Variants in PTP4A3 observed in about 807,000 individuals in gnomAD.
PTP4A3 encodes protein tyrosine phosphatase 4A3.
Under a neutral mutation model 15.2 loss-of-function variants are expected in PTP4A3, and 9 were observed. The observed-to-expected ratio is 0.59, with a 90% CI of 0.36 to 1.03. PTP4A3 has a LOEUF of 1.03. Ranked by LOEUF, PTP4A3 falls within the 50% of genes least tolerant of loss-of-function variation. The pLI is 0.02. For synonymous variants in PTP4A3, 95 were observed against 102.0 expected (o/e 0.93, Z 0.41); for missense variants, 234 against 252.1 (o/e 0.93, Z 0.49).
chr8:141,416,056 C>T (rs1833039962), intron 1 of PTP4A3, among the ~76,000 whole-genome samples: 2 of 152,028 alleles, frequency 1.3e-5, no homozygotes, highest in South Asian at 4.1e-4. Flanking sequence ...CAGGCCCGGC[C>T]AGAGGGCCCC....
chr8:141,397,331 C>G (rs548776305), intron 1 of PTP4A3, among the ~76,000 whole-genome samples: 1 of 151,982 alleles, frequency 6.6e-6, no homozygotes, highest in Non-Finnish European at 1.5e-5. Context: ...CAGTGGGGGG[C>G]TCTCTGAAGG....
At chr8:141,397,151 G>A (rs1466505919) in intron 1 of PTP4A3, among the ~76,000 whole-genome samples, 4 of 152,248 alleles carry the variant, frequency 2.6e-5, no homozygotes, top group African/African-American at 9.6e-5. Flanking sequence ...CGGAGTGAGA[G>A]CTGTGTTACA....
chr8:141,412,448 T>C (rs1039386915), intron 1 of PTP4A3, among the ~76,000 whole-genome samples: 1 of 152,164 alleles, frequency 6.6e-6, no homozygotes, highest in African/African-American at 2.4e-5. Flanking sequence ...GCTCCTGGGT[T>C]TGGGGTCAGG....
intron 3 of PTP4A3, chr8:141,426,387 C>G: frequency 1.0e-6 from 1 of 964,968 alleles, no homozygotes; most frequent in Non-Finnish European, 1.2e-6. Flanking sequence ...AGCAATGGGC[C>G]GGGGCCCGGT....
At chr8:141,410,075 C>T (rs1181811027) in intron 1 of PTP4A3, among the ~76,000 whole-genome samples, 1 of 152,250 alleles carries the variant, frequency 6.6e-6, no homozygotes, top group Non-Finnish European at 1.5e-5. Flanking sequence ...TGCCCAGCCC[C>T]TGCTGCGGAC....
intron 1 of PTP4A3, among the ~76,000 whole-genome samples, chr8:141,409,411 G>A (rs1320884603): frequency 1.3e-5 from 2 of 152,218 alleles, no homozygotes; most frequent in Non-Finnish European, 2.9e-5. Flanking sequence ...AGGGATGGGA[G>A]CCTCCATCTG....
chr8:141,419,519 A>G (rs1833224689), intron 1 of PTP4A3, among the ~76,000 whole-genome samples: 1 of 151,098 alleles, frequency 6.6e-6, no homozygotes, highest in South Asian at 2.1e-4. Flanking sequence ...GACCAGGGAC[A>G]GTATCCTTGT....
At chr8:141,414,627 G>T (rs998899339) in intron 1 of PTP4A3, among the ~76,000 whole-genome samples, 1 of 151,716 alleles carries the variant, frequency 6.6e-6, no homozygotes, top group Admixed American at 6.6e-5. Flanking sequence ...GGACTGGGGG[G>T]GGGGTAGGGA....
intron 1 of PTP4A3, among the ~76,000 whole-genome samples, chr8:141,395,366 T>C (rs1315153060): frequency 6.6e-6 from 1 of 152,124 alleles, no homozygotes; most frequent in Non-Finnish European, 1.5e-5. Context: ...GACCCCTAGG[T>C]GGGGCATCGC....
At chr8:141,413,098 T>C (rs1272030043) in intron 1 of PTP4A3, among the ~76,000 whole-genome samples, 5 of 152,190 alleles carry the variant, frequency 3.3e-5, no homozygotes, top group Non-Finnish European at 7.4e-5. Context: ...TGGAGTCAGC[T>C]GTGTCTGCTG....
chr8:141,424,572 C>A (rs866483781), intron 2 of PTP4A3, among the ~76,000 whole-genome samples: 2 of 152,126 alleles, frequency 1.3e-5, no homozygotes, highest in Non-Finnish European at 2.9e-5. Context: ...CTGTGGGGAC[C>A]CAGTAGCTTT....
chr8:141,421,164 C>G (rs1563735436), intron 1 of PTP4A3, among the ~76,000 whole-genome samples: 1 of 152,244 alleles, frequency 6.6e-6, no homozygotes, highest in Non-Finnish European at 1.5e-5. Context: ...GGTGGCTACC[C>G]TGTCGCCTCT....
intron 1 of PTP4A3, among the ~76,000 whole-genome samples, chr8:141,398,677 C>T (rs1475767075): frequency 1.3e-5 from 2 of 152,072 alleles, no homozygotes; most frequent in African/African-American, 4.8e-5. Context: ...TGAGGGTGCT[C>T]AGGGCCTGGC....
intron 1 of PTP4A3, among the ~76,000 whole-genome samples, chr8:141,416,921 T>A (rs1249625797): frequency 6.6e-6 from 1 of 151,958 alleles, no homozygotes; most frequent in African/African-American, 2.4e-5. Flanking sequence ...CCAGGTTGTT[T>A]GAGAGCTGCA....
At chr8:141,407,526 G>A (rs1436588944) in intron 1 of PTP4A3, among the ~76,000 whole-genome samples, 1 of 151,996 alleles carries the variant, frequency 6.6e-6, no homozygotes. Context: ...CGCGGCCCAG[G>A]ACGGCTTTGA....
At position 141,425,181 on chromosome 8, in the gene PTP4A3, C is replaced by CGGGGGGGG; in HGVS notation, c.198+46_198+47insGGGGGGGG. ...CGGGGACCCTAGTCACTGCTGCCAC[C>CGGGGGGGG]GGGGGAGGGTGGGGCGGGGGGCTCC... On this transcript the variant is annotated intron_variant, in intron 3 of 5. Coordinates refer to ENST00000521578, the MANE Select transcript of PTP4A3 (RefSeq NM_032611.3). This position sits in a 1 kb window ranked among gnomAD's most constrained non-coding sequence, Gnocchi z 4.2. 1 of 345,450 alleles carries CGGGGGGGG rather than the reference C, an allele frequency of 2.9e-6. No individual in the cohort carries two copies. 21.4% of individuals were successfully genotyped at this position (345,450 alleles called of 1,614,324 possible). A position where few individuals can be genotyped will look rare whatever the true frequency, so the allele number is the denominator to read the frequency against.
intron 1 of PTP4A3, among the ~76,000 whole-genome samples, chr8:141,402,722 T>C (rs1350903265): frequency 1.3e-5 from 2 of 149,726 alleles, no homozygotes; most frequent in Non-Finnish European, 3.0e-5. Context: ...TTCCTCACTT[T>C]CCCCCCACCC....
chr8:141,412,009 A>G (rs1271934496), intron 1 of PTP4A3, among the ~76,000 whole-genome samples: 1 of 152,210 alleles, frequency 6.6e-6, no homozygotes. Context: ...CTGAGGATGG[A>G]CATGGGCATT....
At chr8:141,397,666 G>A (rs1832487276) in intron 1 of PTP4A3, among the ~76,000 whole-genome samples, 1 of 152,234 alleles carries the variant, frequency 6.6e-6, no homozygotes, top group Admixed American at 6.5e-5. Flanking sequence ...TGAGTGCCTC[G>A]GTGGCTGTGG....
Sources: gnomAD v4.1 joint callset for allele counts (sites outside exome capture counted in the v4.1 genomes callset) on GRCh38, gnomAD v4.1.1 for gene constraint, Gnocchi (gnomAD v3.1) non-coding constraint, MANE v1.5 for transcripts, NCBI Gene and HGNC (gene_info 2026-07-23, HGNC 2026-07-21) for gene names.